PIN4: variants seen among roughly 807,000 people sequenced by gnomAD.
PIN4 encodes peptidylprolyl cis/trans isomerase, NIMA-interacting 4.
Under a neutral mutation model 8.3 loss-of-function variants are expected in PIN4, and 3 were observed. The ratio of observed to expected loss-of-function variants is 0.36; its 90% CI spans 0.16 to 0.93. PIN4 has a LOEUF of 0.93. Ranked by LOEUF, PIN4 falls within the 40% of genes least tolerant of loss-of-function variation. The pLI is 0.44. For synonymous variants in PIN4, 18 were observed against 32.5 expected (o/e 0.55, Z 1.52); for missense variants, 75 against 100.6 (o/e 0.75, Z 1.09).
chrX:72,246,631 G>A (rs2043068323), intron 3 of PIN4, among the ~76,000 whole-genome samples: 1 of 111,293 alleles, frequency 9.0e-6, no homozygotes, highest in Non-Finnish European at 1.9e-5. Context: ...ACATGCACAC[G>A]ATCTCTTCTC....
At chrX:72,211,195 C>T (rs2042851986) in intron 3 of PIN4, among the ~76,000 whole-genome samples, 1 of 111,272 alleles carries the variant, frequency 9.0e-6, no homozygotes, top group Non-Finnish European at 1.9e-5. Flanking sequence ...ATCTGGATAA[C>T]TTAGCTAACA....
intron 1 of PIN4, 58 bp from the exon 2 acceptor site, chrX:72,186,403 C>A: frequency 1.3e-6 from 1 of 797,232 alleles, no homozygotes; most frequent in African/African-American, 2.1e-5. Flanking sequence ...GTGTGTTGGA[C>A]CTTTCTGTAA....
intron 3 of PIN4, among the ~76,000 whole-genome samples, chrX:72,214,697 A>G (rs2042877929): frequency 1.9e-5 from 2 of 103,026 alleles, no homozygotes; most frequent in Admixed American, 2.1e-4. Flanking sequence ...AAACAAAACA[A>G]AAGTTTAGGC....
chrX:72,208,456 A>G (rs1184771212), intron 3 of PIN4: 3 of 1,211,155 alleles, frequency 2.5e-6, no homozygotes, highest in East Asian at 3.0e-5. Context: ...GAGGAAAGCT[A>G]TGCCTTCCTT....
intron 3 of PIN4, among the ~76,000 whole-genome samples, chrX:72,209,959 A>T (rs1381164591): frequency 9.0e-6 from 1 of 110,571 alleles, no homozygotes; most frequent in Non-Finnish European, 1.9e-5. Flanking sequence ...TCTAAATCTA[A>T]GGGCTAAACC....
At chrX:72,226,417 A>C (rs912213748) in intron 3 of PIN4, among the ~76,000 whole-genome samples, 1 of 112,180 alleles carries the variant, frequency 8.9e-6, no homozygotes, top group Non-Finnish European at 1.9e-5. Context: ...TATTTGCCCT[A>C]ATAAGAGCAC....
intron 3 of PIN4, among the ~76,000 whole-genome samples, chrX:72,260,275 G>T (rs1315126327): frequency 1.8e-5 from 2 of 112,112 alleles, no homozygotes; most frequent in African/African-American, 3.2e-5. Context: ...CCTTCCGAGG[G>T]GAGGCATCTA....
rs187128885 is a variant in PIN4, at chrX:72,207,230, G to A, written c.312+10326G>A. On this transcript the variant is annotated intron_variant, in intron 3 of 3. Coordinates refer to the PIN4 transcript ENST00000423432. ...TTAATTCTTTTTTCTCGTTCCAAAA[G>A]ATGAGTAACTGTCCCATCGATTCGC... The A allele has an allele frequency of 2.6e-5, 31 of 1,209,987 alleles. No individual in the cohort carries two copies. In the African/African-American group the frequency reaches 5.4e-4, roughly 21 times the overall value.
exon 4 of PIN4, chrX:72,263,438 G>A (rs1037672520): frequency 1.8e-5 from 2 of 111,853 alleles, no homozygotes; most frequent in African/African-American, 6.5e-5. Context: ...AACAGGAGAC[G>A]CCCAGGGAGC....
intron 3 of PIN4, among the ~76,000 whole-genome samples, chrX:72,227,692 T>C (rs1330259059): frequency 4.5e-5 from 5 of 111,487 alleles, no homozygotes; most frequent in African/African-American, 6.5e-5. Context: ...GACTGGGTTC[T>C]CATAAAAGAT....
intron 3 of PIN4, among the ~76,000 whole-genome samples, chrX:72,222,422 GAT>G (rs2042928780): frequency 1.8e-5 from 2 of 111,428 alleles, no homozygotes; most frequent in East Asian, 2.8e-4. Flanking sequence ...AGTGGCCAAT[GAT>G]GCAGTCCCCC....
At chrX:72,254,314 T>A (rs2043100319) in intron 3 of PIN4, among the ~76,000 whole-genome samples, 1 of 111,767 alleles carries the variant, frequency 8.9e-6, no homozygotes, top group Non-Finnish European at 1.9e-5. Context: ...TTCTTATCAT[T>A]CAGAAATCAG....
rs780469498 is a variant in PIN4, at chrX:72,186,684, C to G, written c.117+150C>G. On this transcript the variant is annotated intron_variant, in intron 2 of 3. Transcript: ENST00000373669. The stretch of plus-strand genomic sequence containing the variant: ...AACACAAAATTGTAGCTGGGCGCAC[C>G]TGTAATCCCAGCACTTTGGGAGGCC... 152 of 457,874 alleles carry G rather than the reference C, an allele frequency of 3.3e-4. 1 individual carries two copies. The highest frequency in any genetic ancestry group is 3.2e-3 in the African/African-American group (131 of 40,961). The allele number at this position is 457,874 out of a possible 1,213,427, so 37.7% of individuals were successfully genotyped here.
chrX:72,214,518 C>A (rs935301387), intron 3 of PIN4, among the ~76,000 whole-genome samples: 23 of 109,026 alleles, frequency 2.1e-4, no homozygotes, highest in African/African-American at 7.4e-4. Context: ...ACTAAAAATA[C>A]AAAAATTAGC....
intron 3 of PIN4, among the ~76,000 whole-genome samples, chrX:72,240,316 TG>T (rs2043043803): frequency 9.0e-6 from 1 of 111,466 alleles, no homozygotes; most frequent in African/African-American, 3.3e-5. Context: ...GTGGCTTGCT[TG>T]GGTGACACTA....
Position 72,242,590 on chromosome X carries a change from C to T in PIN4, c.313-20117C>T, listed in dbSNP as rs1015719777. Reference sequence around the variant, plus strand: ...AAGAGAGTCAAAATAATAGTTACTACTATATCCCTCTTATGTGACAGGCCC... The same window carrying T: ...AAGAGAGTCAAAATAATAGTTACTATTATATCCCTCTTATGTGACAGGCCC... On this transcript the variant is annotated intron_variant, in intron 3 of 3. Coordinates refer to the PIN4 transcript ENST00000423432. Among the ~76,000 whole-genome samples, 7 of 112,815 alleles carry T rather than the reference C, an allele frequency of 6.2e-5. No individual in the cohort carries two copies. The East Asian group carries it at 1.9e-3, about 31-fold the overall frequency.
chrX:72,262,167 G>T (rs2043142409), intron 3 of PIN4, among the ~76,000 whole-genome samples: 1 of 112,152 alleles, frequency 8.9e-6, no homozygotes, highest in African/African-American at 3.2e-5. Context: ...CACAGTCCTG[G>T]ACTTAGGTCG....
rs1255662708 is a variant in PIN4, at chrX:72,250,217, A to C, written c.313-12490A>C. Among the ~76,000 whole-genome samples the C allele has an allele frequency of 3.5e-4, 39 of 110,714 alleles. 1 individual carries two copies. In the Admixed American group the frequency reaches 3.8e-3, roughly 11 times the overall value. ...TATCTCAAAGGTTGTTTCATATCAAAACATAAAGGCACTGAATTTTACACT... is the reference window on the plus strand; with the variant it reads ...TATCTCAAAGGTTGTTTCATATCAACACATAAAGGCACTGAATTTTACACT... On this transcript the variant is annotated intron_variant, in intron 3 of 3. Transcript: ENST00000423432.
Position 72,239,049 on chromosome X carries a change from G to A in PIN4, c.313-23658G>A, listed in dbSNP as rs760626202. On this transcript the variant is annotated intron_variant, in intron 3 of 3. Coordinates refer to the PIN4 transcript ENST00000423432. Reference sequence around the variant, plus strand: ...GCATGCTCTGTGCGCCGTGGAGAGGGACACAGCCAACCGACGGCCTCGCGG... The same window carrying A: ...GCATGCTCTGTGCGCCGTGGAGAGGAACACAGCCAACCGACGGCCTCGCGG... 1,194 of 602,546 alleles carry A rather than the reference G, an allele frequency of 2.0e-3. 1 individual carries two copies. Among genetic ancestry groups the A allele is most frequent in the Middle Eastern group, 0.011 (29 of 2,721 alleles). The allele number at this position is 602,546 out of a possible 1,213,427, so 49.7% of individuals were successfully genotyped here.
Sources: allele counts gnomAD v4.1 joint callset (sites outside exome capture counted in the v4.1 genomes callset), GRCh38; gene constraint gnomAD v4.1.1; transcripts MANE v1.5; gene names NCBI Gene and HGNC (gene_info 2026-07-23, HGNC 2026-07-21).